PIAS2: variants seen among roughly 807,000 people sequenced by gnomAD.
PIAS2 encodes E3 SUMO-protein ligase PIAS2.
Under a neutral mutation model 69.7 loss-of-function variants are expected in PIAS2, and 19 were observed. That is an observed-to-expected ratio of 0.27 (90% CI 0.19 to 0.40). The LOEUF (loss-of-function observed/expected upper bound fraction) is 0.40. Among genes scored for constraint, PIAS2 ranks in the 10% least tolerant of loss-of-function variants. PIAS2 has a pLI of 1.00. For synonymous variants in PIAS2, 261 were observed against 263.2 expected, an observed-to-expected ratio of 0.99 and a Z score of 0.08; for missense variants, 624 against 757.0, an observed-to-expected ratio of 0.82 and a Z score of 2.06.
chr18:46,911,590 G>C (rs1333352944), intron 1 of PIAS2, among the ~76,000 whole-genome samples: 1 of 152,102 alleles, frequency 6.6e-6, no homozygotes, highest in African/African-American at 2.4e-5. Flanking sequence ...CACAGTACTT[G>C]GTTCTATAGT....
intron 8 of PIAS2, among the ~76,000 whole-genome samples, chr18:46,842,158 T>G (rs571050920): frequency 1.1e-4 from 17 of 151,120 alleles, no homozygotes; most frequent in Admixed American, 5.3e-4. Flanking sequence ...CCCAGGAGGT[T>G]GAAGCTGCAG....
chr18:46,888,901 C>T (rs1443434461), intron 2 of PIAS2, among the ~76,000 whole-genome samples: 1 of 152,026 alleles, frequency 6.6e-6, no homozygotes, highest in Admixed American at 6.6e-5. Context: ...GGGTTGGAGA[C>T]CTTGGAACAG....
chr18:46,849,521 C>T (rs961515357), intron 5 of PIAS2, among the ~76,000 whole-genome samples: 4 of 152,192 alleles, frequency 2.6e-5, no homozygotes, highest in African/African-American at 9.6e-5. Flanking sequence ...TAAGCAAAGG[C>T]CACTGGACAG....
intron 11 of PIAS2, among the ~76,000 whole-genome samples, chr18:46,826,198 A>C (rs2042827793): frequency 1.3e-5 from 2 of 152,230 alleles, no homozygotes; most frequent in Admixed American, 1.3e-4. Context: ...TTTTCAGCCT[A>C]AATGAGGAAC....
intron 1 of PIAS2, among the ~76,000 whole-genome samples, chr18:46,897,959 C>T (rs1212171745): frequency 1.3e-5 from 2 of 151,772 alleles, no homozygotes; most frequent in Non-Finnish European, 2.9e-5. Flanking sequence ...GCAGCCTCAA[C>T]CTCCCAGGCT....
intron 1 of PIAS2, among the ~76,000 whole-genome samples, chr18:46,895,631 AC>A (rs1415288513): frequency 6.6e-6 from 1 of 152,192 alleles, no homozygotes; most frequent in Non-Finnish European, 1.5e-5. Flanking sequence ...AGATCACACT[AC>A]TGCACTCCAG....
chr18:46,900,517 A>G (rs929947088), intron 1 of PIAS2, among the ~76,000 whole-genome samples: 2 of 151,820 alleles, frequency 1.3e-5, no homozygotes, highest in African/African-American at 2.4e-5. Context: ...AAAAAAAAAA[A>G]TTGTTTTTAA....
chr18:46,831,424 C>T (rs2043601761), intron 9 of PIAS2, among the ~76,000 whole-genome samples: 1 of 152,190 alleles, frequency 6.6e-6, no homozygotes, highest in Non-Finnish European at 1.5e-5. Flanking sequence ...TATGTCACCA[C>T]AGACTTATCT....
intron 1 of PIAS2, chr18:46,904,247 T>C (rs1458390423): frequency 6.6e-6 from 1 of 152,196 alleles, no homozygotes; most frequent in African/African-American, 2.4e-5. Flanking sequence ...TGTCTCTGTA[T>C]TATTTCCTAG....
intron 6 of PIAS2, among the ~76,000 whole-genome samples, chr18:46,845,660 A>C (rs2046063801): frequency 6.6e-6 from 1 of 152,018 alleles, no homozygotes; most frequent in Non-Finnish European, 1.5e-5. Context: ...TTCCCATTTT[A>C]TTAAATATAT....
intron 2 of PIAS2, among the ~76,000 whole-genome samples, chr18:46,873,665 G>A (rs2050714376): frequency 6.6e-6 from 1 of 152,132 alleles, no homozygotes; most frequent in African/African-American, 2.4e-5. Flanking sequence ...GACTGAACAA[G>A]GTCTCATTAA....
In PIAS2 at chr18:46,902,367, A is replaced by G. The variant is rs1599011875; in HGVS notation, c.25-11313T>C. 2.0e-5 allele frequency among the ~76,000 whole-genome samples: 3 copies of G among 151,984 alleles called. No individual in the cohort carries two copies. In the South Asian group the frequency reaches 6.2e-4, roughly 32 times the overall value. The stretch of plus-strand genomic sequence containing the variant: ...AGGCCGGGAGTTCGAAACCAGTCTC[A>G]CCAAAATGGAGAAACCCCGTCTCTA... On this transcript the variant is annotated intron_variant, in intron 1 of 13. Transcript: ENST00000585916.
chr18:46,884,204 T>C (rs2052754060), intron 2 of PIAS2, among the ~76,000 whole-genome samples: 1 of 152,214 alleles, frequency 6.6e-6, no homozygotes, highest in South Asian at 2.1e-4. Context: ...TTCATTCCCT[T>C]GAATCTTTAT....
intron 2 of PIAS2, among the ~76,000 whole-genome samples, chr18:46,873,330 C>G (rs188948868): frequency 1.3e-5 from 2 of 152,168 alleles, no homozygotes; most frequent in African/African-American, 4.8e-5. Flanking sequence ...AGGCCCTGGG[C>G]GTAAATGTTT....
rs185283581 is a variant in PIAS2, at chr18:46,873,507, T to C, written c.500-9259A>G. Among the ~76,000 whole-genome samples the C allele has an allele frequency of 3.9e-3, 588 of 152,300 alleles. 1 individual carries two copies. The highest frequency in any genetic ancestry group is 5.9e-3 in the Non-Finnish European group (401 of 68,024). ...TCTTGCAGAAGTAGAGTCAGGAAGA[T>C]TGCCCAATAATTGGTTGGCCCAAAC... On this transcript the variant is annotated intron_variant, in intron 2 of 13. Coordinates refer to ENST00000585916, the MANE Select transcript of PIAS2 (RefSeq NM_004671.5).
At position 46,828,203 on chromosome 18, in the gene PIAS2, T is replaced by A. The variant is rs2043086743; in HGVS notation, c.1337-73A>T. The A allele has an allele frequency of 4.6e-6, 6 of 1,300,824 alleles. No homozygotes were observed. The South Asian group carries it at 4.7e-5, about 10-fold the overall frequency. The allele number at this position is 1,300,824 out of a possible 1,614,324, so 80.6% of individuals were successfully genotyped here. ...AATAAACTCTAGTGGTAGAGTCTAG[T>A]ATATTCAGTATAGTATGTTCCTGAC... On this transcript the variant is annotated intron_variant, in intron 10 of 13. Transcript: ENST00000585916.
At chr18:46,905,726 A>T (rs2056512328) in intron 1 of PIAS2, 3 of 152,190 alleles carry the variant, frequency 2.0e-5, no homozygotes, top group Middle Eastern at 3.2e-3. Flanking sequence ...TAAAAGTATG[A>T]ACTACTAAAA....
intron 12 of PIAS2, chr18:46,817,864 TAA>T: frequency 1.0e-6 from 1 of 971,298 alleles, no homozygotes; most frequent in Middle Eastern, 5.3e-4. Context: ...AGCAGAATAT[TAA>T]AACTCTTATA....
chr18:46,877,721 G>A (rs949023282), intron 2 of PIAS2, among the ~76,000 whole-genome samples: 10 of 152,116 alleles, frequency 6.6e-5, no homozygotes, highest in African/African-American at 2.2e-4. Context: ...ACCGCGTTAG[G>A]GATAAAAACC....
Sources: gnomAD v4.1 joint callset for allele counts (sites outside exome capture counted in the v4.1 genomes callset) on GRCh38, gnomAD v4.1.1 for gene constraint, MANE v1.5 for transcripts, NCBI Gene and HGNC (gene_info 2026-07-23, HGNC 2026-07-21) for gene names.